Variants in CCDC91 observed in about 807,000 individuals in gnomAD.
CCDC91 encodes the protein coiled-coil domain-containing protein 91.
In CCDC91, 48 loss-of-function variants were observed where a neutral mutation model predicts 63.2. The ratio of observed to expected loss-of-function variants is 0.76; its 90% CI spans 0.60 to 0.97. The LOEUF (loss-of-function observed/expected upper bound fraction) is 0.97, where lower values mean the gene tolerates loss of function less well. Ranked by LOEUF, CCDC91 falls within the 50% of genes least tolerant of loss-of-function variation. The pLI, the probability that CCDC91 is intolerant of heterozygous loss-of-function variation, is 0.00. For synonymous variants in CCDC91, 167 were observed against 165.8 expected, an observed-to-expected ratio of 1.01 and a Z score of -0.06; for missense variants, 500 against 494.6, an observed-to-expected ratio of 1.01 and a Z score of -0.10.
chr12:28,252,978 A>G (rs1171181248), intron 1 of CCDC91, among the ~76,000 whole-genome samples: 2 of 152,200 alleles, frequency 1.3e-5, no homozygotes, highest in Non-Finnish European at 2.9e-5. Flanking sequence ...ACTGAGGCAC[A>G]CAATGTTTTA....
At chr12:28,199,234 A>AT (rs1182925988) in intron 1 of CCDC91, among the ~76,000 whole-genome samples, 23 of 151,920 alleles carry the variant, frequency 1.5e-4, no homozygotes, top group Admixed American at 1.5e-3. Context: ...TTTACTAAAT[A>AT]TTTTTTGAGT....
At chr12:28,400,679 CCA>C (rs1299817262) in intron 8 of CCDC91, among the ~76,000 whole-genome samples, 2 of 152,068 alleles carry the variant, frequency 1.3e-5, no homozygotes, top group Admixed American at 6.6e-5. Context: ...TTAACAGCAC[CCA>C]AGTCACCACT....
intron 8 of CCDC91, among the ~76,000 whole-genome samples, chr12:28,414,302 C>G (rs1184115593): frequency 6.6e-6 from 1 of 151,858 alleles, no homozygotes; most frequent in Non-Finnish European, 1.5e-5. Context: ...TTATAGACAA[C>G]AAGTCAGATA....
chr12:28,406,827 A>G (rs1219890385), intron 8 of CCDC91, among the ~76,000 whole-genome samples: 1 of 103,482 alleles, frequency 9.7e-6, no homozygotes, highest in Non-Finnish European at 2.8e-5. Context: ...TTTGAATATC[A>G]ATACCCAACT....
chr12:28,484,845 A>G (rs908400710), intron 12 of CCDC91, among the ~76,000 whole-genome samples: 6 of 150,378 alleles, frequency 4.0e-5, no homozygotes, highest in Non-Finnish European at 7.4e-5. Context: ...TGTAATAAAT[A>G]TATATAATAA....
intron 6 of CCDC91, among the ~76,000 whole-genome samples, chr12:28,315,503 A>G (rs1439184284): frequency 6.6e-6 from 1 of 151,964 alleles, no homozygotes; most frequent in Non-Finnish European, 1.5e-5. Flanking sequence ...GGTCCAAGCA[A>G]TGAACTTGAA....
chr12:28,538,654 T>C (rs1364025164), intron 12 of CCDC91, among the ~76,000 whole-genome samples: 2 of 152,190 alleles, frequency 1.3e-5, no homozygotes, highest in African/African-American at 4.8e-5. Flanking sequence ...ATGCTGTTTC[T>C]AGTTAAAGAT....
intron 3 of CCDC91, among the ~76,000 whole-genome samples, chr12:28,295,325 G>T (rs1490597685): frequency 6.6e-6 from 1 of 150,974 alleles, no homozygotes; most frequent in Non-Finnish European, 1.5e-5. Flanking sequence ...TCTTTTTTTT[G>T]AAAATCATGT....
At chr12:28,328,673 C>T (rs909733265) in intron 6 of CCDC91, among the ~76,000 whole-genome samples, 1 of 152,174 alleles carries the variant, frequency 6.6e-6, no homozygotes, top group Non-Finnish European at 1.5e-5. Context: ...AAACTTTCCT[C>T]TGTCCATAAT....
At chr12:28,462,889 G>T (rs1592742733) in intron 11 of CCDC91, among the ~76,000 whole-genome samples, 1 of 152,080 alleles carries the variant, frequency 6.6e-6, no homozygotes, top group Non-Finnish European at 1.5e-5. Flanking sequence ...TTCAGGAAAG[G>T]CTCCTAGAGA....
chr12:28,299,821 A>G (rs1336596609), intron 3 of CCDC91, among the ~76,000 whole-genome samples: 3 of 151,410 alleles, frequency 2.0e-5, no homozygotes, highest in East Asian at 1.9e-4. Flanking sequence ...TGCTCATTGT[A>G]TGGATATTTT....
At chr12:28,341,140 G>A (rs775865691) in intron 6 of CCDC91, among the ~76,000 whole-genome samples, 14 of 152,112 alleles carry the variant, frequency 9.2e-5, no homozygotes, top group Non-Finnish European at 1.3e-4. Flanking sequence ...TCCTCTCAAC[G>A]TCCAGCCACT....
chr12:28,544,628 A>C (rs918050212), intron 12 of CCDC91, among the ~76,000 whole-genome samples: 70 of 152,064 alleles, frequency 4.6e-4, no homozygotes, highest in African/African-American at 1.7e-3. Context: ...ACACATACAC[A>C]TACACACATA....
chr12:28,415,841 CATT>C (rs1479769187), intron 8 of CCDC91, among the ~76,000 whole-genome samples: 2 of 152,034 alleles, frequency 1.3e-5, no homozygotes, highest in East Asian at 3.9e-4. Flanking sequence ...GCAATGTTGA[CATT>C]ATTTTCTGGA....
intron 3 of CCDC91, among the ~76,000 whole-genome samples, chr12:28,301,673 T>C (rs1385384661): frequency 3.3e-5 from 5 of 151,770 alleles, no homozygotes; most frequent in Non-Finnish European, 7.4e-5. Context: ...AGAAATCCTC[T>C]TGAAATAATC....
intron 1 of CCDC91, among the ~76,000 whole-genome samples, chr12:28,205,041 G>A (rs1942739373): frequency 6.6e-6 from 1 of 152,150 alleles, no homozygotes; most frequent in African/African-American, 2.4e-5. Context: ...AATGTTGGGA[G>A]TGCCTAGATT....
At chr12:28,257,995 C>T (rs1220980000) in intron 2 of CCDC91, among the ~76,000 whole-genome samples, 2 of 149,832 alleles carry the variant, frequency 1.3e-5, no homozygotes, top group South Asian at 2.1e-4. Flanking sequence ...ATTATAAAAA[C>T]CAGGGATTGT....
At chr12:28,375,701 A>G (rs564158081) in intron 7 of CCDC91, among the ~76,000 whole-genome samples, 48 of 152,086 alleles carry the variant, frequency 3.2e-4, no homozygotes, top group African/African-American at 1.1e-3. Flanking sequence ...CTACATAGGC[A>G]CATGCCACAT....
At chr12:28,240,238 T>C (rs1470362506) in intron 1 of CCDC91, among the ~76,000 whole-genome samples, 2 of 152,222 alleles carry the variant, frequency 1.3e-5, no homozygotes, top group Non-Finnish European at 1.5e-5. Context: ...TATGCATGTT[T>C]TCTACCGTTT....
Sources: allele counts gnomAD v4.1 joint callset (sites outside exome capture counted in the v4.1 genomes callset), GRCh38; gene constraint gnomAD v4.1.1; transcripts MANE v1.5; gene names NCBI Gene and HGNC (gene_info 2026-07-23, HGNC 2026-07-21).